Variants in KIAA0040 observed in about 807,000 individuals in gnomAD.
KIAA0040 encodes uncharacterized protein KIAA0040.
In KIAA0040, 10 loss-of-function variants were observed where a neutral mutation model predicts 7.2. That is an observed-to-expected ratio of 1.38 (90% CI 0.85 to 2.34). KIAA0040 has a LOEUF of 2.34. Among genes scored for constraint, KIAA0040 ranks in the 30% most tolerant of loss-of-function variants. The pLI, the probability that KIAA0040 is intolerant of heterozygous loss-of-function variation, is 0.00. For synonymous variants in KIAA0040, 49 were observed against 40.1 expected, an observed-to-expected ratio of 1.22 and a Z score of -0.84; for missense variants, 89 against 108.2, an observed-to-expected ratio of 0.82 and a Z score of 0.79.
chr1:175,167,595 A>G (rs1184425531), intron 2 of KIAA0040, among the ~76,000 whole-genome samples: 1 of 152,092 alleles, frequency 6.6e-6, no homozygotes, highest in Non-Finnish European at 1.5e-5. Context: ...GAGGGGACAT[A>G]ATTGATGTGG....
At chr1:175,163,879 G>C (rs1418405194) in intron 3 of KIAA0040, among the ~76,000 whole-genome samples, 1 of 152,178 alleles carries the variant, frequency 6.6e-6, no homozygotes, top group Non-Finnish European at 1.5e-5. Flanking sequence ...AGGAGGGCGA[G>C]CTCATGGAGA....
intron 2 of KIAA0040, among the ~76,000 whole-genome samples, chr1:175,169,745 A>T (rs990207246): frequency 4.6e-5 from 7 of 152,082 alleles, no homozygotes; most frequent in Non-Finnish European, 1.0e-4. Flanking sequence ...GATAAGCACC[A>T]CTCAGGAGCT....
At position 175,176,669 on chromosome 1, in the gene KIAA0040, C is replaced by CTTTTT. The variant is rs34859478; in HGVS notation, c.-310+937_-310+941dup. Among the ~76,000 whole-genome samples the CTTTTT allele has an allele frequency of 9.5e-3, 261 of 27,450 alleles. 73 individuals carry two copies. The highest frequency in any genetic ancestry group is 0.015 in the Non-Finnish European group (178 of 12,254). 18.0% of individuals were successfully genotyped at this position (27,450 alleles called of 152,430 possible). On this transcript the variant is annotated intron_variant, in intron 2 of 3. Transcript: ENST00000423313. ...ATCCAGTGTCAGGTTAAGTAGCATG[C>CTTTTT]TTTTTTTTTTTTTTTTTTTTTTTTT...
chr1:175,184,435 T>C (rs1308525585), intron 1 of KIAA0040, among the ~76,000 whole-genome samples: 2 of 152,178 alleles, frequency 1.3e-5, no homozygotes, highest in Non-Finnish European at 2.9e-5. Context: ...TCTTCTCACA[T>C]ACACAGTGTC....
intron 2 of KIAA0040, among the ~76,000 whole-genome samples, chr1:175,167,796 C>T (rs965248889): frequency 6.6e-6 from 1 of 151,924 alleles, no homozygotes; most frequent in African/African-American, 2.4e-5. Context: ...GGCAGAGGGA[C>T]ATGAGAGGAG....
chr1:175,163,011 G>A (rs1033449012), intron 3 of KIAA0040, among the ~76,000 whole-genome samples: 5 of 152,190 alleles, frequency 3.3e-5, no homozygotes, highest in Non-Finnish European at 7.3e-5. Flanking sequence ...AGTAGGTACT[G>A]TGGTTCCCCC....
chr1:175,165,262 T>C (rs1045916065), intron 3 of KIAA0040, among the ~76,000 whole-genome samples: 1 of 152,182 alleles, frequency 6.6e-6, no homozygotes, highest in Non-Finnish European at 1.5e-5. Context: ...TCAACCTGCA[T>C]GACCTTGGCA....
chr1:175,170,200 G>A (rs923781352), intron 2 of KIAA0040, among the ~76,000 whole-genome samples: 6 of 152,166 alleles, frequency 3.9e-5, no homozygotes, highest in African/African-American at 1.4e-4. Flanking sequence ...ACATCCATGA[G>A]AGAGGGCAGC....
At chr1:175,184,320 G>A (rs1677568791) in intron 1 of KIAA0040, among the ~76,000 whole-genome samples, 1 of 152,184 alleles carries the variant, frequency 6.6e-6, no homozygotes, top group Non-Finnish European at 1.5e-5. Context: ...GGGGTCTCAC[G>A]TCACATTACA....
chr1:175,171,590 C>T (rs973359558), intron 2 of KIAA0040, among the ~76,000 whole-genome samples: 3 of 152,202 alleles, frequency 2.0e-5, no homozygotes, highest in Non-Finnish European at 4.4e-5. Flanking sequence ...AGACTGCACT[C>T]TCCAGCCAGA....
At chr1:175,179,515 G>C (rs532453832) in intron 1 of KIAA0040, among the ~76,000 whole-genome samples, 10 of 152,218 alleles carry the variant, frequency 6.6e-5, no homozygotes, top group South Asian at 6.2e-4. Context: ...ATTATAAACT[G>C]AAATGAAATA....
At chr1:175,166,028 C>A (rs1052874154) in intron 3 of KIAA0040, among the ~76,000 whole-genome samples, 1 of 152,182 alleles carries the variant, frequency 6.6e-6, no homozygotes, top group Non-Finnish European at 1.5e-5. Flanking sequence ...GAGACCAACT[C>A]CAGAGTGACC....
chr1:175,164,180 C>T (rs1676662657), intron 3 of KIAA0040, among the ~76,000 whole-genome samples: 1 of 152,106 alleles, frequency 6.6e-6, no homozygotes, highest in South Asian at 2.1e-4. Flanking sequence ...TCAGAGCTGC[C>T]TTTCAGGAAA....
intron 2 of KIAA0040, among the ~76,000 whole-genome samples, chr1:175,171,513 C>G (rs745786449): frequency 3.3e-5 from 5 of 152,074 alleles, no homozygotes; most frequent in Non-Finnish European, 7.4e-5. Context: ...GTAGAAGAAC[C>G]AAAGGGCATA....
intron 2 of KIAA0040, chr1:175,176,356 T>C (rs556006942): frequency 9.9e-5 from 15 of 152,210 alleles, no homozygotes; most frequent in Non-Finnish European, 2.2e-4. Flanking sequence ...GATCAAATCA[T>C]AGAGGGAGTG....
At chr1:175,164,425 T>C (rs1054565243) in intron 3 of KIAA0040, among the ~76,000 whole-genome samples, 1 of 152,284 alleles carries the variant, frequency 6.6e-6, no homozygotes. Context: ...ATAAGCAAAT[T>C]CCAAACTAGA....
At chr1:175,168,369 T>C (rs1349639082) in intron 2 of KIAA0040, among the ~76,000 whole-genome samples, 3 of 152,172 alleles carry the variant, frequency 2.0e-5, no homozygotes, top group Non-Finnish European at 4.4e-5. Context: ...CTAGTCCTAA[T>C]ACAAAGTCGG....
chr1:175,168,134 T>C (rs1318881655), intron 2 of KIAA0040, among the ~76,000 whole-genome samples: 2 of 152,200 alleles, frequency 1.3e-5, no homozygotes, highest in African/African-American at 2.4e-5. Flanking sequence ...TCAGTAGTTA[T>C]TAACTTGGCT....
At chr1:175,190,245 T>G (rs1308603048) in intron 1 of KIAA0040, among the ~76,000 whole-genome samples, 1 of 152,244 alleles carries the variant, frequency 6.6e-6, no homozygotes, top group Non-Finnish European at 1.5e-5. Flanking sequence ...CAAGGTATCC[T>G]GAGAAAGCCT....
Sources: gnomAD v4.1 joint callset for allele counts (sites outside exome capture counted in the v4.1 genomes callset) on GRCh38, gnomAD v4.1.1 for gene constraint, MANE v1.5 for transcripts, NCBI Gene and HGNC (gene_info 2026-07-23, HGNC 2026-07-21) for gene names.